ABCA12: variants seen among roughly 807,000 people sequenced by gnomAD.
ABCA12 encodes the protein glucosylceramide transporter ABCA12.
ABCA12 carries 156 observed loss-of-function variants against 293.5 expected under a neutral mutation model. That is an observed-to-expected ratio of 0.53 (90% CI 0.47 to 0.61). The LOEUF is 0.61. Among genes scored for constraint, ABCA12 ranks in the 20% least tolerant of loss-of-function variants. ABCA12 has a pLI of 0.00. For missense variants in ABCA12, 2,797 were observed against 3,090.2 expected, an observed-to-expected ratio of 0.91 and a Z score of 2.25; for synonymous variants, 1,063 against 1,108.0, an observed-to-expected ratio of 0.96 and a Z score of 0.81.
chr2:215,138,265 G>C lies in ABCA12; in HGVS notation c.-57C>G. ...TTCTTTTCTCCACTCCACAAATGAA[G>C]AACTGATGCCCCGTCCAACTTGCTG... is the stretch of plus-strand genomic sequence containing the variant. On this transcript the variant is annotated 5_prime_UTR_variant, in exon 1 of 53. Coordinates refer to ENST00000272895, the MANE Select transcript of ABCA12 (RefSeq NM_173076.3). 6.3e-7 allele frequency: 1 copy of C among 1,576,186 alleles called. No individual in the cohort carries two copies. Among genetic ancestry groups the C allele is most frequent in the East Asian group, 2.2e-5 (1 of 44,658 alleles).
intron 51 of ABCA12, 25 bp downstream of exon 51, chr2:214,937,485 A>G (rs892388418): frequency 6.3e-6 from 10 of 1,584,304 alleles, no homozygotes; most frequent in African/African-American, 1.3e-5. Context: ...GGCGTGAGCC[A>G]CTGCACCCAG....
intron 51 of ABCA12, among the ~76,000 whole-genome samples, chr2:214,934,811 A>G (rs1012210677): frequency 1.3e-5 from 2 of 152,126 alleles, no homozygotes; most frequent in East Asian, 1.9e-4. Flanking sequence ...TTTCCTGGAT[A>G]TTTAATCAGT....
At chr2:214,984,603 A>G (rs933052561) in intron 28 of ABCA12, among the ~76,000 whole-genome samples, 1 of 152,138 alleles carries the variant, frequency 6.6e-6, no homozygotes, top group Non-Finnish European at 1.5e-5. Context: ...TCAACTCAGT[A>G]TGTTTAAAAC....
intron 1 of ABCA12, among the ~76,000 whole-genome samples, chr2:215,119,504 G>C (rs1702756492): frequency 6.6e-6 from 1 of 152,066 alleles, no homozygotes; most frequent in Non-Finnish European, 1.5e-5. Flanking sequence ...TACGGGTCCA[G>C]TTTTATTCTT....
At chr2:215,100,307 T>C (rs1303429910) in intron 2 of ABCA12, among the ~76,000 whole-genome samples, 6 of 152,242 alleles carry the variant, frequency 3.9e-5, no homozygotes, top group Non-Finnish European at 8.8e-5. Context: ...TGAGAAGTTC[T>C]GCCTCCAAGA....
chr2:215,099,259 A>ACCAG (rs1313987594), intron 2 of ABCA12, among the ~76,000 whole-genome samples: 2 of 152,184 alleles, frequency 1.3e-5, no homozygotes, highest in Non-Finnish European at 2.9e-5. Flanking sequence ...GTGCCAACGC[A>ACCAG]CCAGCCATGT....
chr2:215,037,337 T>G (rs993705370), intron 7 of ABCA12, among the ~76,000 whole-genome samples: 1 of 152,144 alleles, frequency 6.6e-6, no homozygotes, highest in African/African-American at 2.4e-5. Context: ...TTCCCATCAA[T>G]TTTTTTCTAA....
At chr2:214,955,110 G>C in intron 43 of ABCA12, 92 bp downstream of exon 43, 2 of 1,465,360 alleles carry the variant, frequency 1.4e-6, no homozygotes, top group Non-Finnish European at 1.9e-6. Flanking sequence ...AGAATCAAAT[G>C]ATATTCTTCT....
intron 17 of ABCA12, 144 bp downstream of exon 17, chr2:215,011,295 T>C (rs1278318407): frequency 1.5e-6 from 1 of 672,156 alleles, no homozygotes; most frequent in African/African-American, 1.8e-5. Flanking sequence ...ATTCTTGACA[T>C]GTGGTAAGTG....
chr2:215,096,972 C>T (rs745683609), intron 2 of ABCA12, among the ~76,000 whole-genome samples: 103 of 152,144 alleles, frequency 6.8e-4, no homozygotes, highest in South Asian at 2.5e-3. Context: ...GTATCTGATA[C>T]GCTAGGCACT....
intron 1 of ABCA12, among the ~76,000 whole-genome samples, chr2:215,122,779 T>A (rs1702834728): frequency 6.6e-6 from 1 of 152,204 alleles, no homozygotes; most frequent in Non-Finnish European, 1.5e-5. Context: ...TGTGCCTATT[T>A]AGGAACCATC....
chr2:215,071,343 A>T (rs1701735259), intron 2 of ABCA12, among the ~76,000 whole-genome samples: 1 of 152,166 alleles, frequency 6.6e-6, no homozygotes, highest in Non-Finnish European at 1.5e-5. Flanking sequence ...AGGCAGGGTG[A>T]GGGTTTATGC....
chr2:214,996,597 A>G (rs1443200537), intron 23 of ABCA12, among the ~76,000 whole-genome samples: 2 of 152,228 alleles, frequency 1.3e-5, no homozygotes, highest in Non-Finnish European at 2.9e-5. Flanking sequence ...TGAAAACAAC[A>G]GGACTCAAAC....
chr2:215,047,048 G>T (rs191160769), intron 6 of ABCA12, among the ~76,000 whole-genome samples: 13 of 152,196 alleles, frequency 8.5e-5, no homozygotes, highest in Non-Finnish European at 1.8e-4. Context: ...CACACAGAGG[G>T]GAACAACACA....
chr2:214,945,673 C>A (rs151151186), intron 48 of ABCA12, among the ~76,000 whole-genome samples: 8 of 152,208 alleles, frequency 5.3e-5, no homozygotes, highest in African/African-American at 1.9e-4. Context: ...TATGAAAAAT[C>A]ATTCAGACAG....
intron 32 of ABCA12, 130 bp downstream of exon 32, chr2:214,978,674 G>T: frequency 8.5e-7 from 1 of 1,171,234 alleles, no homozygotes; most frequent in Non-Finnish European, 1.2e-6. Flanking sequence ...GAATAGTACT[G>T]AAAAAATGTT....
chr2:215,085,756 G>T (rs2106100205), intron 2 of ABCA12, among the ~76,000 whole-genome samples: 1 of 152,210 alleles, frequency 6.6e-6, no homozygotes, highest in Non-Finnish European at 1.5e-5. Context: ...AACTGCAGTA[G>T]AATTATTGGG....
intron 35 of ABCA12, among the ~76,000 whole-genome samples, chr2:214,974,551 T>C: frequency 6.6e-6 from 1 of 152,200 alleles, no homozygotes; most frequent in East Asian, 1.9e-4. Flanking sequence ...AATGAAAATA[T>C]GTATACAAGA....
Position 215,024,053 on chromosome 2 carries a change from G to A in ABCA12, c.1287+1620C>T, listed in dbSNP as rs900640195. 2.0e-5 allele frequency among the ~76,000 whole-genome samples: 3 copies of A among 152,138 alleles called. No individual in the cohort carries two copies. The South Asian group carries it at 6.2e-4, about 31-fold the overall frequency. ...AGATACCCCTATACCTGTCTTTCAA[G>A]TTCACGCCTCTATCTTCTTAAACTC... On this transcript the variant is annotated intron_variant, in intron 11 of 52. Coordinates refer to ENST00000272895, the MANE Select transcript of ABCA12 (RefSeq NM_173076.3).
Sources: gnomAD v4.1 joint callset for allele counts (sites outside exome capture counted in the v4.1 genomes callset) on GRCh38, gnomAD v4.1.1 for gene constraint, MANE v1.5 for transcripts, NCBI Gene and HGNC (gene_info 2026-07-23, HGNC 2026-07-21) for gene names.